The following HIRA variants were observed in gnomAD, a reference collection of about 807,000 sequenced individuals.
HIRA encodes the protein protein HIRA.
HIRA carries 13 observed loss-of-function variants against 126.6 expected under a neutral mutation model. The ratio of observed to expected loss-of-function variants is 0.10; its 90% CI spans 0.07 to 0.16. HIRA has a LOEUF of 0.16. Among genes scored for constraint, HIRA ranks in the 10% least tolerant of loss-of-function variants. HIRA has a pLI of 1.00. For missense variants in HIRA, 834 were observed against 1,314.4 expected (o/e 0.63, Z 5.65); for synonymous variants, 511 against 520.0 (o/e 0.98, Z 0.24).
chr22:19,347,523 G>T (rs1556009230), intron 24 of HIRA, among the ~76,000 whole-genome samples: 1 of 152,198 alleles, frequency 6.6e-6, no homozygotes, highest in South Asian at 2.1e-4. Context: ...ACTTCTGAGA[G>T]CTAATGTGTT....
intron 11 of HIRA, among the ~76,000 whole-genome samples, chr22:19,387,354 A>G (rs952930607): frequency 2.6e-5 from 4 of 152,176 alleles, no homozygotes; most frequent in African/African-American, 9.7e-5. Context: ...CTAAGAAATG[A>G]CCAATATTAC....
chr22:19,360,477 CAGA>C (rs1416217459), intron 17 of HIRA, among the ~76,000 whole-genome samples: 1 of 152,180 alleles, frequency 6.6e-6, no homozygotes, highest in Non-Finnish European at 1.5e-5. Context: ...CACTGTGGCC[CAGA>C]AGGACCTATG....
chr22:19,350,048 C>T (rs555822830), intron 24 of HIRA, among the ~76,000 whole-genome samples: 12 of 151,022 alleles, frequency 7.9e-5, no homozygotes, highest in South Asian at 6.3e-4. Flanking sequence ...AGTGCAGTGG[C>T]GCGATCTTGG....
At chr22:19,397,330 T>A (rs1696111296) in intron 6 of HIRA, among the ~76,000 whole-genome samples, 1 of 152,220 alleles carries the variant, frequency 6.6e-6, no homozygotes, top group South Asian at 2.1e-4. Context: ...TTATAAGTTA[T>A]GGCTGAAGAC....
intron 2 of HIRA, among the ~76,000 whole-genome samples, chr22:19,409,288 C>CTTTCTTT (rs540302872): frequency 6.9e-6 from 1 of 145,406 alleles, no homozygotes; most frequent in African/African-American, 2.5e-5. Context: ...GATTTCTTTT[C>CTTTCTTT]TTTTTTTTTT....
At chr22:19,371,180 T>C (rs2088961359) in intron 15 of HIRA, among the ~76,000 whole-genome samples, 1 of 152,210 alleles carries the variant, frequency 6.6e-6, no homozygotes, top group South Asian at 2.1e-4. Context: ...AAATCTGAGG[T>C]TTCTTCACCT....
At chr22:19,388,930 C>T (rs1172719822) in intron 9 of HIRA, among the ~76,000 whole-genome samples, 1 of 152,128 alleles carries the variant, frequency 6.6e-6, no homozygotes, top group Non-Finnish European at 1.5e-5. Context: ...AGACACGATG[C>T]CAAAGCCTAG....
intron 9 of HIRA, among the ~76,000 whole-genome samples, chr22:19,389,537 C>T (rs2146222637): frequency 6.6e-6 from 1 of 152,216 alleles, no homozygotes; most frequent in Middle Eastern, 3.4e-3. Flanking sequence ...CTGTGTCTAC[C>T]CTAGTGGTGG....
Position 19,331,086 on chromosome 22 carries a change from T to G in HIRA, c.*354A>C. On this transcript the variant is annotated 3_prime_UTR_variant, in exon 25 of 25. Coordinates refer to ENST00000263208, the MANE Select transcript of HIRA (RefSeq NM_003325.4). ...TCACAAATGGCTCAATCGTCACTGC[T>G]GAAGCAGCATGGTGCCTGCAGCAGC... 8.4e-7 allele frequency: 1 copy of G among 1,190,230 alleles called. No individual in the cohort carries two copies. Among genetic ancestry groups the G allele is most frequent in the Non-Finnish European group, 1.1e-6 (1 of 929,350 alleles). The allele number at this position is 1,190,230 out of a possible 1,614,324, so 73.7% of individuals were successfully genotyped here.
intron 5 of HIRA, among the ~76,000 whole-genome samples, chr22:19,400,651 T>C (rs9306217): frequency 0.16 from 23,683 of 151,852 alleles, 3,909 homozygotes; most frequent in African/African-American, 0.41. Context: ...CTCCTTTTTA[T>C]GGTGCATCTA....
chr22:19,403,544 G>A (rs1376613334), intron 5 of HIRA, among the ~76,000 whole-genome samples: 1 of 152,164 alleles, frequency 6.6e-6, no homozygotes, highest in Non-Finnish European at 1.5e-5. Flanking sequence ...CCCGGGAGGT[G>A]GAGGTTGCAG....
chr22:19,352,430 A>T (rs1489247524), intron 23 of HIRA, among the ~76,000 whole-genome samples: 4 of 152,206 alleles, frequency 2.6e-5, no homozygotes, highest in Admixed American at 2.6e-4. Flanking sequence ...TGGGGACCAC[A>T]CATAATGGCA....
chr22:19,405,561 T>C (rs2089301361), intron 5 of HIRA: 2 of 952,856 alleles, frequency 2.1e-6, no homozygotes, highest in African/African-American at 1.8e-5. Flanking sequence ...ATATACCCCA[T>C]GAGGGCAAGA....
intron 1 of HIRA, among the ~76,000 whole-genome samples, chr22:19,423,822 T>A (rs2089468474): frequency 6.6e-6 from 1 of 152,180 alleles, no homozygotes; most frequent in Non-Finnish European, 1.5e-5. Flanking sequence ...TTAAAACCAT[T>A]TGCTATCTGT....
At chr22:19,343,500 T>C (rs1221082771) in intron 24 of HIRA, among the ~76,000 whole-genome samples, 2 of 151,780 alleles carry the variant, frequency 1.3e-5, no homozygotes, top group African/African-American at 2.4e-5. Flanking sequence ...GAGGTGGAGG[T>C]TGAAGTAAGT....
chr22:19,413,831 C>T (rs535070243), intron 1 of HIRA, among the ~76,000 whole-genome samples: 18 of 151,938 alleles, frequency 1.2e-4, no homozygotes, highest in Non-Finnish European at 2.5e-4. Flanking sequence ...AGGATGGTCT[C>T]GATCTCCTGA....
At chr22:19,342,304 GA>G (rs2088638787) in intron 24 of HIRA, among the ~76,000 whole-genome samples, 3 of 152,200 alleles carry the variant, frequency 2.0e-5, no homozygotes, top group Admixed American at 2.0e-4. Context: ...AAAAAAAATA[GA>G]TATTAGCATG....
intron 5 of HIRA, 55 bp from the exon 6 acceptor site, chr22:19,398,142 T>C (rs903160029): frequency 2.1e-6 from 3 of 1,404,144 alleles, no homozygotes; most frequent in Admixed American, 1.7e-5. Flanking sequence ...TGCCCTTGTC[T>C]ATTAGCTTGG....
intron 1 of HIRA, among the ~76,000 whole-genome samples, chr22:19,420,956 A>G (rs2089441417): frequency 6.6e-6 from 1 of 152,212 alleles, no homozygotes; most frequent in Admixed American, 6.5e-5. Flanking sequence ...TAGCTCAACA[A>G]TAACCACAAT....
Sources: allele counts gnomAD v4.1 joint callset (sites outside exome capture counted in the v4.1 genomes callset), GRCh38; gene constraint gnomAD v4.1.1; transcripts MANE v1.5; gene names NCBI Gene and HGNC (gene_info 2026-07-23, HGNC 2026-07-21).